ITFG1: variants seen among roughly 807,000 people sequenced by gnomAD.
ITFG1 encodes the protein T-cell immunomodulatory protein.
ITFG1 carries 34 observed loss-of-function variants against 81.8 expected under a neutral mutation model. The ratio of observed to expected loss-of-function variants is 0.42; its 90% confidence interval spans 0.32 to 0.55. ITFG1 has a LOEUF of 0.55. ITFG1 is among the 20% of genes least tolerant of loss of function. The pLI is 0.17. For missense variants in ITFG1, 672 were observed against 755.4 expected (o/e 0.89, Z 1.29); for synonymous variants, 285 against 270.6 (o/e 1.05, Z -0.52).
chr16:47,415,712 C>A (rs918249459), intron 6 of ITFG1, among the ~76,000 whole-genome samples: 1 of 151,942 alleles, frequency 6.6e-6, no homozygotes, highest in African/African-American at 2.4e-5. Flanking sequence ...AATGATAATT[C>A]AAAAAAGGTA....
intron 10 of ITFG1, among the ~76,000 whole-genome samples, chr16:47,310,991 T>C (rs1382137988): frequency 2.0e-5 from 3 of 151,514 alleles, no homozygotes; most frequent in African/African-American, 7.3e-5. Flanking sequence ...TTGAGTGAAA[T>C]ATAACTGTTT....
At chr16:47,248,257 G>A (rs138050715) in intron 12 of ITFG1, among the ~76,000 whole-genome samples, 1 of 152,286 alleles carries the variant, frequency 6.6e-6, no homozygotes, top group Non-Finnish European at 1.5e-5. Context: ...AAACTTCAGA[G>A]ACCAGCAGAA....
chr16:47,155,966 T>C (rs1964697769), intron 17 of ITFG1, among the ~76,000 whole-genome samples, 188 bp from the exon 18 acceptor site: 1 of 152,198 alleles, frequency 6.6e-6, no homozygotes, highest in African/African-American at 2.4e-5. Context: ...AATGATCTAA[T>C]TGATTAAAAA....
At chr16:47,283,928 A>T (rs1966860808) in intron 10 of ITFG1, among the ~76,000 whole-genome samples, 1 of 152,214 alleles carries the variant, frequency 6.6e-6, no homozygotes, top group South Asian at 2.1e-4. Context: ...AGACATGCAG[A>T]ACTGATATAT....
intron 8 of ITFG1, among the ~76,000 whole-genome samples, chr16:47,320,494 C>T (rs1373832400): frequency 2.6e-5 from 4 of 152,132 alleles, no homozygotes; most frequent in African/African-American, 9.7e-5. Flanking sequence ...GTGAGTTGTA[C>T]TGCACTTTTT....
chr16:47,323,898 G>A (rs1329724214), intron 8 of ITFG1, among the ~76,000 whole-genome samples: 6 of 152,000 alleles, frequency 3.9e-5, no homozygotes, highest in African/African-American at 1.2e-4. Context: ...AGAGGAAGAC[G>A]GGACTAGATT....
intron 14 of ITFG1, among the ~76,000 whole-genome samples, chr16:47,169,511 C>T (rs1172850752): frequency 6.6e-6 from 1 of 151,576 alleles, no homozygotes; most frequent in Non-Finnish European, 1.5e-5. Context: ...TATATGGAAA[C>T]AACTGATTTT....
intron 5 of ITFG1, among the ~76,000 whole-genome samples, chr16:47,438,222 G>GGCCT (rs1195960835): frequency 2.6e-5 from 4 of 152,336 alleles, no homozygotes; most frequent in East Asian, 3.9e-4. Context: ...AGCTCAAGGA[G>GGCCT]GCCTGCCTGC....
At chr16:47,421,258 ATACATACATATG>A (rs1466260442) in intron 6 of ITFG1, among the ~76,000 whole-genome samples, 1 of 148,946 alleles carries the variant, frequency 6.7e-6, no homozygotes, top group Non-Finnish European at 1.5e-5. Context: ...ACACACATAT[ATACATACATATG>A]CACACACACA....
At chr16:47,451,761 T>C (rs1382619055) in intron 4 of ITFG1, among the ~76,000 whole-genome samples, 1 of 152,216 alleles carries the variant, frequency 6.6e-6, no homozygotes, top group Admixed American at 6.5e-5. Flanking sequence ...TCTGATGGCC[T>C]GACTCTAAGC....
At chr16:47,345,720 T>C (rs992823677) in intron 8 of ITFG1, among the ~76,000 whole-genome samples, 2 of 152,202 alleles carry the variant, frequency 1.3e-5, no homozygotes, top group Non-Finnish European at 2.9e-5. Flanking sequence ...ATTTGTAACA[T>C]AATGATGAGT....
intron 6 of ITFG1, among the ~76,000 whole-genome samples, chr16:47,416,286 G>T (rs1263291165): frequency 6.6e-6 from 1 of 151,738 alleles, no homozygotes; most frequent in Non-Finnish European, 1.5e-5. Context: ...TAAATAAATT[G>T]TTATAATCAT....
At chr16:47,175,468 T>C (rs980749998) in intron 14 of ITFG1, among the ~76,000 whole-genome samples, 6 of 152,172 alleles carry the variant, frequency 3.9e-5, no homozygotes, top group Non-Finnish European at 7.4e-5. Context: ...TTTCATTACA[T>C]AGGGCTGGGA....
chr16:47,386,921 A>C (rs1968470464), intron 6 of ITFG1, among the ~76,000 whole-genome samples: 1 of 152,246 alleles, frequency 6.6e-6, no homozygotes, highest in Non-Finnish European at 1.5e-5. Context: ...CTCATGAAAG[A>C]ATCAAACTAA....
At chr16:47,362,638 T>A (rs1968123917) in intron 8 of ITFG1, among the ~76,000 whole-genome samples, 1 of 152,234 alleles carries the variant, frequency 6.6e-6, no homozygotes, top group African/African-American at 2.4e-5. Context: ...TGTCTCCACA[T>A]ATTTTTAGCC....
chr16:47,223,164 C>A (rs1965714238), intron 13 of ITFG1, among the ~76,000 whole-genome samples: 2 of 151,628 alleles, frequency 1.3e-5, no homozygotes, highest in Admixed American at 6.6e-5. Flanking sequence ...CCATTCAGGA[C>A]ATAGGCATGG....
At chr16:47,315,202 A>G (rs1967334071) in intron 8 of ITFG1, among the ~76,000 whole-genome samples, 1 of 152,166 alleles carries the variant, frequency 6.6e-6, no homozygotes, top group African/African-American at 2.4e-5. Flanking sequence ...AATTTGCAAC[A>G]TATAGATTTG....
chr16:47,162,609 A>C lies in ITFG1; in HGVS notation c.1509T>G (p.Leu503=). Residue 503 remains leucine (L), a synonymous_variant, in exon 15 of 18, where the codon CTT becomes CTG. Coordinates refer to ENST00000320640, the MANE Select transcript of ITFG1 (RefSeq NM_030790.5). ...HLALQLPYNV[L]GLGRSANFLD... ...GAAAATTTGCGCTCCGACCTAAACC[A>C]AGCACGTTGTATGGTAGTTGGAGAG... is the stretch of plus-strand genomic sequence containing the variant. 1 of 1,612,694 alleles carries C rather than the reference A, an allele frequency of 6.2e-7. No homozygotes were observed. The highest frequency in any genetic ancestry group is 8.5e-7 in the Non-Finnish European group (1 of 1,179,130).
At chr16:47,293,908 T>C (rs1387654622) in intron 10 of ITFG1, among the ~76,000 whole-genome samples, 1 of 152,178 alleles carries the variant, frequency 6.6e-6, no homozygotes, top group Non-Finnish European at 1.5e-5. Context: ...TTGTTGATTA[T>C]GCTTTTGAGG....
Sources: allele counts gnomAD v4.1 joint callset (sites outside exome capture counted in the v4.1 genomes callset), GRCh38; gene constraint gnomAD v4.1.1; transcripts MANE v1.5; gene names NCBI Gene and HGNC (gene_info 2026-07-23, HGNC 2026-07-21).